SLC26A9: variants seen among roughly 807,000 people sequenced by gnomAD.
SLC26A9 encodes anion transporter/exchanger protein 9.
SLC26A9 carries 46 observed loss-of-function variants against 87.1 expected under a neutral mutation model. The ratio of observed to expected loss-of-function variants is 0.53; its 90% CI spans 0.42 to 0.67. The LOEUF is 0.67. SLC26A9 is among the 30% of genes least tolerant of loss of function. SLC26A9 has a pLI of 0.00. For missense variants in SLC26A9, 927 were observed against 1,018.3 expected (o/e 0.91, Z 1.22); for synonymous variants, 437 against 409.1 (o/e 1.07, Z -0.82).
At chr1:205,915,540 GT>G (rs1658557323) in intron 20 of SLC26A9, 136 bp from the exon 21 acceptor site, 2 of 1,215,706 alleles carry the variant, frequency 1.6e-6, no homozygotes, top group Admixed American at 2.0e-5. Context: ...GTGTGTGTGT[GT>G]GTGTGTGCGA....
chr1:205,930,017 A>T lies in SLC26A9; in HGVS notation c.592T>A (p.Tyr198Asn). The T allele has an allele frequency of 6.2e-7, 1 of 1,613,444 alleles. No homozygotes were observed. Among genetic ancestry groups the T allele is most frequent in the Non-Finnish European group, 8.5e-7 (1 of 1,179,376 alleles). Residue 198 changes from tyrosine (Y) to asparagine (N), a missense_variant, in exon 6 of 21, where the codon TAC becomes AAC. By Grantham distance (143) the Tyr-to-Asn change is moderately radical. Transcript: ENST00000367135. The part of the protein sequence containing the change: ...GFMQFGFVAI[Y>N]LSESFIRGFM... ...CCCCGGATGAAGGACTCGGAGAGGT[A>T]GATGGCCACAAAGCCAAACTGCATG...
At chr1:205,921,528 G>A in intron 17 of SLC26A9, 38 bp downstream of exon 17, 1 of 1,587,138 alleles carries the variant, frequency 6.3e-7, no homozygotes, top group Non-Finnish European at 8.5e-7. Context: ...AGCGGAGGGG[G>A]TGGAGTGGGT....
chr1:205,928,002 A>G lies in SLC26A9; in HGVS notation c.1001T>C (p.Ile334Thr), dbSNP rs147160014. The change falls in exon 9 of 21, where the codon ATA becomes ACA. Residue 334 changes from isoleucine (I) to threonine (T), a missense_variant. Physicochemically the swap from Ile to Thr is moderately conservative, Grantham distance 89. Transcript: ENST00000367135. ...GATGGCTAGGGAGAAGGCTGTGCCT[A>G]TCATGTCCTTCCACTGTGAGACCAC... is the stretch of plus-strand genomic sequence containing the variant. ...SPVVSQWKDM[I>T]GTAFSLAIVS... 71 of 1,614,140 alleles carry G rather than the reference A, an allele frequency of 4.4e-5. No individual in the cohort carries two copies. The East Asian group carries it at 1.2e-3, about 26-fold the overall frequency.
rs1658440783 is a variant in SLC26A9 at position 205,913,141 on chromosome 1, A to C, written c.*2216T>G. The C allele has an allele frequency of 4.6e-5, 7 of 152,252 alleles. No homozygotes were observed. 9.4% of individuals were successfully genotyped at this position (152,252 alleles called of 1,614,324 possible). ...AATTATGCAAATATCTCAAGAGATA[A>C]GGTTCCCAGTCCTCCCTGGGAATTA... On this transcript the variant is annotated 3_prime_UTR_variant, in exon 21 of 21. Transcript: ENST00000367135.
At chr1:205,941,542 C>T (rs558184710) in intron 1 of SLC26A9, among the ~76,000 whole-genome samples, 2 of 152,268 alleles carry the variant, frequency 1.3e-5, no homozygotes, top group African/African-American at 4.8e-5. Flanking sequence ...TCTCCCTACT[C>T]CTCACCCCAG....
rs1659237679 is a variant in SLC26A9 at position 205,929,928 on chromosome 1, G to A, written c.681C>T (p.Thr227=). ...ISVLKYIFGL[T]IPSYTGPGSI... is the part of the protein sequence containing the mutation. ...ACCCTGGGCCTGTGTAGGAGGGGAT[G>A]GTCAGTCCGAAGATGTACTTGAGCA... Residue 227 remains threonine, a synonymous_variant, in exon 6 of 21, where the codon ACC becomes ACT. Transcript: ENST00000367135. 1.2e-6 allele frequency: 2 copies of A among 1,611,630 alleles called. No homozygotes were observed. The highest frequency in any genetic ancestry group is 1.3e-5 in the African/African-American group (1 of 74,906).
chr1:205,923,435 A>T lies in SLC26A9; in HGVS notation c.1567-8T>A. On this transcript the variant is annotated splice_region_variant and splice_polypyrimidine_tract_variant and intron_variant, in intron 14 of 20. Coordinates refer to ENST00000367135, the MANE Select transcript of SLC26A9 (RefSeq NM_052934.4). ...CCCCTGGATATCCTGGGCCTGTGAC[A>T]GGGAGACTGAGCTCAAGTTGCAGAA... is the stretch of plus-strand genomic sequence containing the variant. 1 of 1,614,184 alleles carries T rather than the reference A, an allele frequency of 6.2e-7. No homozygotes were observed. The highest frequency in any genetic ancestry group is 8.5e-7 in the Non-Finnish European group (1 of 1,180,014).
chr1:205,914,907 C>G lies in SLC26A9; in HGVS notation c.*450G>C. ...AAGTTTATCCCTATGTCCGTGACAG[C>G]CTGACACCATCTGACACCGAGCCGT... is the stretch of plus-strand genomic sequence containing the variant. On this transcript the variant is annotated 3_prime_UTR_variant, in exon 21 of 21. Transcript: ENST00000367135. 1 of 1,612,612 alleles carries G rather than the reference C, an allele frequency of 6.2e-7. No individual in the cohort carries two copies. The highest frequency in any genetic ancestry group is 8.5e-7 in the Non-Finnish European group (1 of 1,179,126).
At chr1:205,924,588 C>T (rs1658990944) in intron 12 of SLC26A9, 99 bp from the exon 13 acceptor site, 1 of 901,816 alleles carries the variant, frequency 1.1e-6, no homozygotes, top group East Asian at 2.7e-5. Context: ...TTAGTACAAC[C>T]TCAGAGCCTC....
At position 205,921,523 on chromosome 1, in the gene SLC26A9, AG is replaced by A. The variant is rs779224414; in HGVS notation, c.2055+42del. On this transcript the variant is annotated intron_variant, in intron 17 of 20. Coordinates refer to ENST00000367135, the MANE Select transcript of SLC26A9 (RefSeq NM_052934.4). ...AAAGGGAATGTGGAGAGCAGAGCGG[AG>A]GGGGTGGAGTGGGTGGTGCTTGCTG... The A allele has an allele frequency of 6.4e-5, 102 of 1,582,114 alleles. 1 individual carries two copies. In the South Asian group the frequency reaches 9.1e-4, roughly 14 times the overall value.
chr1:205,921,498 A>G, intron 17 of SLC26A9, 68 bp downstream of exon 17: 8 of 1,523,940 alleles, frequency 5.2e-6, no homozygotes, highest in Non-Finnish European at 7.0e-6. Flanking sequence ...GGCTCCCAGG[A>G]AAGGGAATGT....
At chr1:205,941,499 C>T (rs1224887881) in intron 1 of SLC26A9, among the ~76,000 whole-genome samples, 1 of 152,140 alleles carries the variant, frequency 6.6e-6, no homozygotes, top group African/African-American at 2.4e-5. Flanking sequence ...CACTCCTTTT[C>T]CTTCTACTGT....
Position 205,929,358 on chromosome 1 carries a change from TG to T in SLC26A9, c.718-3del, listed in dbSNP as rs750595635. The T allele has an allele frequency of 1.9e-5, 31 of 1,613,556 alleles. No individual in the cohort carries two copies. The highest frequency in any genetic ancestry group is 2.6e-5 in the Non-Finnish European group (31 of 1,179,682). ...GTTTTTGCAAATGTCAATGAAGGTC[TG>T]GGGGAAAGAGCATCATGCTCACAGG... On this transcript the variant is annotated splice_region_variant and splice_polypyrimidine_tract_variant and intron_variant, in intron 6 of 20. Transcript: ENST00000367135.
intron 1 of SLC26A9, among the ~76,000 whole-genome samples, chr1:205,936,230 T>C (rs867640332): frequency 6.6e-6 from 1 of 152,076 alleles, no homozygotes; most frequent in Non-Finnish European, 1.5e-5. Flanking sequence ...CATACTCCCT[T>C]CCCAGACCTC....
Position 205,915,366 on chromosome 1 carries a change from G to T in SLC26A9, c.2367C>A (p.Thr789=). 6.2e-7 allele frequency: 1 copy of T among 1,614,124 alleles called. No homozygotes were observed. Among genetic ancestry groups the T allele is most frequent in the Non-Finnish European group, 8.5e-7 (1 of 1,180,016 alleles). The change falls in exon 21 of 21, where the codon ACC becomes ACA. Residue 789 remains threonine, a synonymous_variant. Coordinates refer to ENST00000367135, the MANE Select transcript of SLC26A9 (RefSeq NM_052934.4). ...FGSMFHAETL[T]AL ...AGGACTGGCTGAGCCCTCACAGGGC[G>T]GTCAGGGTCTCTGCGTGAAACATGC...
intron 6 of SLC26A9, 90 bp from the exon 7 acceptor site, chr1:205,929,446 A>G: frequency 6.5e-7 from 1 of 1,538,336 alleles, no homozygotes; most frequent in Non-Finnish European, 8.8e-7. Context: ...AAGGGATGCC[A>G]TCAAAGCTAA....
Position 205,915,225 on chromosome 1 carries a change from G to C in SLC26A9, c.*132C>G, listed in dbSNP as rs1293635273. On this transcript the variant is annotated 3_prime_UTR_variant, in exon 21 of 21. Coordinates refer to ENST00000367135, the MANE Select transcript of SLC26A9 (RefSeq NM_052934.4). ...GGAAGGAAGGGAGGAGAGAGGGGGA[G>C]AGGAGAGAGGAACCCAAGCTCTGGG... 1 of 1,603,768 alleles carries C rather than the reference G, an allele frequency of 6.2e-7. No individual in the cohort carries two copies. The highest frequency in any genetic ancestry group is 1.7e-5 in the Admixed American group (1 of 59,598).
intron 2 of SLC26A9, among the ~76,000 whole-genome samples, chr1:205,933,393 A>G (rs947008813): frequency 1.3e-5 from 2 of 152,076 alleles, no homozygotes; most frequent in African/African-American, 4.8e-5. Flanking sequence ...CTTGGCTCAG[A>G]TGGCTTTTCT....
intron 1 of SLC26A9, among the ~76,000 whole-genome samples, chr1:205,942,804 A>G (rs947624183): frequency 6.6e-6 from 1 of 151,820 alleles, no homozygotes; most frequent in African/African-American, 2.4e-5. Context: ...CTCCCCCTCC[A>G]CCTCTTCCAA....
Sources: allele counts gnomAD v4.1 joint callset (sites outside exome capture counted in the v4.1 genomes callset), GRCh38; gene constraint gnomAD v4.1.1; transcripts MANE v1.5; gene names NCBI Gene and HGNC (gene_info 2026-07-23, HGNC 2026-07-21).